EPHA5: variants seen among roughly 807,000 people sequenced by gnomAD.
The protein encoded by EPHA5 is ephrin type-A receptor 5.
Under a neutral mutation model 105.0 loss-of-function variants are expected in EPHA5, and 60 were observed. That is an observed-to-expected ratio of 0.57 (90% CI 0.46 to 0.71). EPHA5 has a LOEUF of 0.71. Ranked by LOEUF, EPHA5 falls within the 30% of genes least tolerant of loss-of-function variation. The pLI, the probability that EPHA5 is intolerant of heterozygous loss-of-function variation, is 0.00. For synonymous variants in EPHA5, 513 were observed against 449.1 expected (o/e 1.14, Z -1.80); for missense variants, 1,218 against 1,274.7 (o/e 0.96, Z 0.68).
chr4:65,616,299 A>T (rs1745231575), intron 2 of EPHA5, among the ~76,000 whole-genome samples: 1 of 151,928 alleles, frequency 6.6e-6, no homozygotes, highest in African/African-American at 2.4e-5. Context: ...GAAGAAGTAA[A>T]CAAGAAATAT....
chr4:65,496,312 C>T (rs548632882), intron 3 of EPHA5, among the ~76,000 whole-genome samples: 112 of 151,190 alleles, frequency 7.4e-4, no homozygotes, highest in African/African-American at 2.6e-3. Context: ...ATGTGCCATG[C>T]TGGTGCGCTG....
At chr4:65,529,815 A>T (rs538793407) in intron 3 of EPHA5, among the ~76,000 whole-genome samples, 1 of 152,142 alleles carries the variant, frequency 6.6e-6, no homozygotes, top group Non-Finnish European at 1.5e-5. Flanking sequence ...TTAATAGTCT[A>T]CAAATAACTC....
intron 1 of EPHA5, among the ~76,000 whole-genome samples, chr4:65,664,860 T>C (rs924888509): frequency 3.3e-5 from 5 of 151,938 alleles, no homozygotes; most frequent in Admixed American, 6.6e-5. Flanking sequence ...TTTTTACTGA[T>C]TAATAAGCAA....
At chr4:65,612,522 G>T (rs1027105429) in intron 2 of EPHA5, among the ~76,000 whole-genome samples, 1 of 152,074 alleles carries the variant, frequency 6.6e-6, no homozygotes, top group African/African-American at 2.4e-5. Context: ...TTATTATTGA[G>T]TAATATTTCA....
intron 3 of EPHA5, among the ~76,000 whole-genome samples, chr4:65,498,503 T>G (rs1732165625): frequency 6.6e-6 from 1 of 151,840 alleles, no homozygotes; most frequent in Non-Finnish European, 1.5e-5. Context: ...CTCTTTTGTT[T>G]CTATTGCATT....
intron 5 of EPHA5, among the ~76,000 whole-genome samples, chr4:65,444,736 T>C (rs1726348486): frequency 6.6e-6 from 1 of 152,118 alleles, no homozygotes; most frequent in Non-Finnish European, 1.5e-5. Flanking sequence ...AGTTCTTCTG[T>C]ATTATATTAC....
At chr4:65,572,529 GACAC>G (rs1207450752) in intron 3 of EPHA5, among the ~76,000 whole-genome samples, 2 of 152,112 alleles carry the variant, frequency 1.3e-5, no homozygotes, top group African/African-American at 4.8e-5. Context: ...TAGTGCAAAA[GACAC>G]ACATCAATTT....
intron 2 of EPHA5, among the ~76,000 whole-genome samples, chr4:65,604,614 G>A (rs1744046812): frequency 6.6e-6 from 1 of 151,914 alleles, no homozygotes; most frequent in African/African-American, 2.4e-5. Flanking sequence ...GAAATTGACA[G>A]AAAGATTTTA....
chr4:65,650,869 C>T (rs1391680124), intron 1 of EPHA5, among the ~76,000 whole-genome samples: 2 of 152,104 alleles, frequency 1.3e-5, no homozygotes, highest in Non-Finnish European at 2.9e-5. Flanking sequence ...TAATCATGTC[C>T]CTCTCTTACT....
intron 14 of EPHA5, among the ~76,000 whole-genome samples, chr4:65,337,417 C>G (rs1026404873): frequency 2.6e-5 from 4 of 152,024 alleles, no homozygotes; most frequent in Admixed American, 1.3e-4. Flanking sequence ...TTCTATCTAC[C>G]CTTCTACTTC....
At chr4:65,610,530 G>T (rs991222406) in intron 2 of EPHA5, among the ~76,000 whole-genome samples, 5 of 151,052 alleles carry the variant, frequency 3.3e-5, no homozygotes, top group Admixed American at 6.6e-5. Flanking sequence ...AAAAATAGAA[G>T]AATAAACAAA....
At chr4:65,567,159 A>T (rs1276363794) in intron 3 of EPHA5, among the ~76,000 whole-genome samples, 1 of 151,666 alleles carries the variant, frequency 6.6e-6, no homozygotes, top group Non-Finnish European at 1.5e-5. Flanking sequence ...TCTTTATAAG[A>T]CAAATTTCTT....
chr4:65,469,182 G>A (rs1729050854), intron 5 of EPHA5, among the ~76,000 whole-genome samples: 1 of 152,008 alleles, frequency 6.6e-6, no homozygotes, highest in African/African-American at 2.4e-5. Flanking sequence ...TGAAGAAGAA[G>A]GTCAAGTTCT....
At position 65,321,601 on chromosome 4, in the gene EPHA5, A is replaced by G. The variant is rs1477958294; in HGVS notation, c.*2513T>C. On this transcript the variant is annotated 3_prime_UTR_variant, in exon 17 of 17. Coordinates refer to ENST00000613740, the MANE Select transcript of EPHA5 (RefSeq NM_001281766.3). ...AGATGCAAAAGAAAACTATGTGGCT[A>G]TTTAACTTTCCTTTCAATTTACTTT... 3 of 229,270 alleles carry G rather than the reference A, an allele frequency of 1.3e-5. No homozygotes were observed. The East Asian group carries it at 1.9e-4, about 14-fold the overall frequency. 14.2% of individuals were successfully genotyped at this position (229,270 alleles called of 1,614,324 possible).
At chr4:65,511,859 C>G (rs1412103156) in intron 3 of EPHA5, among the ~76,000 whole-genome samples, 1 of 152,066 alleles carries the variant, frequency 6.6e-6, no homozygotes, top group Non-Finnish European at 1.5e-5. Flanking sequence ...AAACAAAACA[C>G]CTTGTAGGTT....
At chr4:65,346,084 CT>C (rs5858952) in intron 14 of EPHA5, among the ~76,000 whole-genome samples, 62 of 145,442 alleles carry the variant, frequency 4.3e-4, no homozygotes, top group African/African-American at 1.3e-3. Context: ...TTTTCTCTCT[CT>C]TTTTTTTTTT....
chr4:65,636,506 C>A lies in EPHA5; in HGVS notation c.246+6857G>T, dbSNP rs538589795. ...CAAAGCCTTGGGAAAGTCACTTACC[C>A]ATACTGAATCTCATTTTTTTTTTCA... On this transcript the variant is annotated intron_variant, in intron 2 of 16. Coordinates refer to ENST00000613740, the MANE Select transcript of EPHA5 (RefSeq NM_001281766.3). Among the ~76,000 whole-genome samples the A allele has an allele frequency of 2.3e-4, 35 of 151,780 alleles. 1 individual carries two copies. In the East Asian group the frequency reaches 5.8e-3, roughly 25 times the overall value.
chr4:65,420,694 T>G, intron 5 of EPHA5, 129 bp from the exon 6 acceptor site: 1 of 864,368 alleles, frequency 1.2e-6, no homozygotes, highest in Non-Finnish European at 1.7e-6. Context: ...AAATTTTAGT[T>G]TTTCTATATA....
At position 65,593,327 on chromosome 4, in the gene EPHA5, C is replaced by T. The variant is rs1372218333; in HGVS notation, c.910+8314G>A. ...ATTGATACTGTACTATTTTTACATA[C>T]ATACAAGGGATTAAGATAAATAAAT... On this transcript the variant is annotated intron_variant, in intron 3 of 16. Coordinates refer to ENST00000613740, the MANE Select transcript of EPHA5 (RefSeq NM_001281766.3). Among the ~76,000 whole-genome samples, 3 of 152,064 alleles carry T rather than the reference C, an allele frequency of 2.0e-5. No individual in the cohort carries two copies. In the East Asian group the frequency reaches 5.8e-4, roughly 29 times the overall value.
Sources: gnomAD v4.1 joint callset for allele counts (sites outside exome capture counted in the v4.1 genomes callset) on GRCh38, gnomAD v4.1.1 for gene constraint, MANE v1.5 for transcripts, NCBI Gene and HGNC (gene_info 2026-07-23, HGNC 2026-07-21) for gene names.